C12orf42: variants seen among roughly 807,000 people sequenced by gnomAD.
The protein encoded by C12orf42 is chromosome 12 open reading frame 42, also known as uncharacterized protein C12orf42.
C12orf42 carries 25 observed loss-of-function variants against 21.6 expected under a neutral mutation model. That is an observed-to-expected ratio of 1.16 (90% CI 0.84 to 1.62). The LOEUF is 1.62. C12orf42 is among the 40% of genes most tolerant of loss of function. The pLI is 0.00. For missense variants in C12orf42, 483 were observed against 459.3 expected (o/e 1.05, Z -0.47); for synonymous variants, 174 against 175.0 (o/e 0.99, Z 0.05).
the C12orf42 span, among the ~76,000 whole-genome samples, chr12:103,181,895 C>T: frequency 8.5e-5 from 13 of 152,136 alleles, no homozygotes; most frequent in African/African-American, 2.4e-4. Flanking sequence ...TGGGAAATGC[C>T]GTAAGCTTAT....
At chr12:103,210,654 T>TTTTTTTTTTC in the C12orf42 span, among the ~76,000 whole-genome samples, 1 of 149,966 alleles carries the variant, frequency 6.7e-6, no homozygotes, top group Non-Finnish European at 1.5e-5. Context: ...TTTTTTTTTT[T>TTTTTTTTTTC]TTTTTGCTTT....
chr12:103,173,824 C>G, the C12orf42 span, among the ~76,000 whole-genome samples: 1 of 152,154 alleles, frequency 6.6e-6, no homozygotes, highest in African/African-American at 2.4e-5. Flanking sequence ...CTACCAGATT[C>G]ATTCACTGCA....
At chr12:103,382,536 AAAG>A (rs2046274897) in intron 3 of C12orf42, among the ~76,000 whole-genome samples, 1 of 152,218 alleles carries the variant, frequency 6.6e-6, no homozygotes, top group Non-Finnish European at 1.5e-5. Context: ...GAGATCTACT[AAAG>A]AAGAAGACCA....
At chr12:103,339,542 G>T (rs2041995702) in intron 4 of C12orf42, among the ~76,000 whole-genome samples, 1 of 152,190 alleles carries the variant, frequency 6.6e-6, no homozygotes, top group Admixed American at 6.5e-5. Context: ...GACATGAACA[G>T]ATACTTTTTA....
the C12orf42 span, among the ~76,000 whole-genome samples, chr12:103,110,035 T>C: frequency 7.9e-5 from 12 of 152,186 alleles, no homozygotes; most frequent in Admixed American, 2.0e-4. Flanking sequence ...CAAGACTCTG[T>C]CTCAAAAAAT....
chr12:103,219,875 C>A, the C12orf42 span, among the ~76,000 whole-genome samples: 1 of 152,010 alleles, frequency 6.6e-6, no homozygotes, highest in African/African-American at 2.4e-5. Context: ...GATCTAGTAC[C>A]AGAAGTAACA....
the C12orf42 span, among the ~76,000 whole-genome samples, chr12:103,123,329 C>G: frequency 6.6e-6 from 1 of 152,124 alleles, no homozygotes; most frequent in Non-Finnish European, 1.5e-5. Flanking sequence ...CTCAGACTGA[C>G]TGGGTGAGAA....
At chr12:103,405,892 T>C (rs1233007777) in intron 2 of C12orf42, among the ~76,000 whole-genome samples, 2 of 152,170 alleles carry the variant, frequency 1.3e-5, no homozygotes, top group South Asian at 2.1e-4. Context: ...GACATTAAGA[T>C]GAAATACTTA....
At chr12:103,357,171 G>A (rs1279671498) in intron 4 of C12orf42, among the ~76,000 whole-genome samples, 3 of 149,522 alleles carry the variant, frequency 2.0e-5, no homozygotes, top group African/African-American at 4.9e-5. Flanking sequence ...GGAGAGGGAT[G>A]GCATTAGGAG....
At chr12:103,066,921 CT>C in the C12orf42 span, among the ~76,000 whole-genome samples, 12 of 152,336 alleles carry the variant, frequency 7.9e-5, no homozygotes, top group Admixed American at 3.3e-4. Flanking sequence ...CCAATCACCC[CT>C]ATCATTGCCC....
chr12:103,471,293 A>C (rs746229097), intron 2 of C12orf42, among the ~76,000 whole-genome samples: 3 of 152,138 alleles, frequency 2.0e-5, no homozygotes, highest in Non-Finnish European at 4.4e-5. Context: ...AGGACCTAGA[A>C]ATGGATTTTC....
At chr12:103,098,330 A>T in the C12orf42 span, among the ~76,000 whole-genome samples, 2 of 152,184 alleles carry the variant, frequency 1.3e-5, no homozygotes, top group African/African-American at 4.8e-5. Flanking sequence ...AATGGAGATA[A>T]TATTAAGACT....
At chr12:103,222,437 A>G in the C12orf42 span, among the ~76,000 whole-genome samples, 1 of 152,156 alleles carries the variant, frequency 6.6e-6, no homozygotes, top group Non-Finnish European at 1.5e-5. Context: ...TTGTAGTGGA[A>G]TGTCATCAGT....
chr12:103,379,943 G>T (rs12301890), intron 3 of C12orf42, among the ~76,000 whole-genome samples: 3,476 of 152,256 alleles, frequency 0.023, 90 homozygotes, highest in African/African-American at 0.07. Context: ...CATGTCAGAA[G>T]CCAAGCGATA....
At chr12:103,228,539 G>A in the C12orf42 span, among the ~76,000 whole-genome samples, 6 of 152,238 alleles carry the variant, frequency 3.9e-5, no homozygotes, top group East Asian at 3.9e-4. Flanking sequence ...GCTTGGCTTG[G>A]GCTCAGAGGC....
rs376087324 is a variant in C12orf42 at position 103,401,582 on chromosome 12, T to G, written c.147+25A>C. On this transcript the variant is annotated intron_variant, in intron 3 of 5. Transcript: ENST00000548883. ...AAAGGACGGCACTATGGAGCAGCCC[T>G]GCACATAACATTCCGCTGACTCACC... 3.1e-6 allele frequency: 5 copies of G among 1,608,524 alleles called. No homozygotes were observed. In the African/African-American group the frequency reaches 5.3e-5, roughly 17 times the overall value.
At chr12:103,264,129 T>C (rs1047976150), downstream of C12orf42, among the ~76,000 whole-genome samples, 2 of 149,622 alleles carry the variant, frequency 1.3e-5, no homozygotes, top group African/African-American at 5.1e-5. Context: ...CTGCCTTGCA[T>C]TGTCAGCATC....
At chr12:103,170,404 C>T in the C12orf42 span, among the ~76,000 whole-genome samples, 1 of 152,128 alleles carries the variant, frequency 6.6e-6, no homozygotes. Flanking sequence ...TCAGTCTTGA[C>T]TCTTCCTTAC....
the C12orf42 span, among the ~76,000 whole-genome samples, chr12:103,059,661 G>C: frequency 5.3e-5 from 8 of 152,292 alleles, no homozygotes; most frequent in African/African-American, 1.4e-4. Context: ...AGGATGCAAG[G>C]CTGGTTCAAC....
Sources: gnomAD v4.1 joint callset for allele counts (sites outside exome capture counted in the v4.1 genomes callset) on GRCh38, gnomAD v4.1.1 for gene constraint, MANE v1.5 for transcripts, NCBI Gene and HGNC (gene_info 2026-07-23, HGNC 2026-07-21) for gene names.